SYN3: variants seen among roughly 807,000 people sequenced by gnomAD.
The protein encoded by SYN3 is synapsin III.
Under a neutral mutation model 65.8 loss-of-function variants are expected in SYN3, and 35 were observed. The observed-to-expected ratio is 0.53, with a 90% confidence interval of 0.41 to 0.70. SYN3 has a LOEUF of 0.70. Ranked by LOEUF, SYN3 falls within the 30% of genes least tolerant of loss-of-function variation. The pLI is 0.00. For missense variants in SYN3, 680 were observed against 749.0 expected (o/e 0.91, Z 1.08); for synonymous variants, 270 against 292.9 (o/e 0.92, Z 0.80).
chr22:32,942,820 T>C (rs2050981725), intron 3 of SYN3, among the ~76,000 whole-genome samples: 1 of 152,136 alleles, frequency 6.6e-6, no homozygotes, highest in African/African-American at 2.4e-5. Flanking sequence ...GTAACCAATT[T>C]GATCAACTGG....
At chr22:32,592,083 A>C (rs1247062293) in intron 7 of SYN3, among the ~76,000 whole-genome samples, 24 of 152,218 alleles carry the variant, frequency 1.6e-4, no homozygotes, top group Admixed American at 1.6e-3. Context: ...AATGATTCAG[A>C]ACTATCAGTG....
intron 6 of SYN3, among the ~76,000 whole-genome samples, chr22:32,710,138 C>G (rs531181718): frequency 7.0e-6 from 1 of 143,050 alleles, no homozygotes. Context: ...TGTGTATTTA[C>G]TTTTCATACA....
chr22:32,692,473 C>T (rs1280581314), intron 6 of SYN3, among the ~76,000 whole-genome samples: 4 of 152,338 alleles, frequency 2.6e-5, no homozygotes, highest in Admixed American at 1.3e-4. Flanking sequence ...TGTTTATTAG[C>T]ATGCATTCAG....
At chr22:32,551,712 T>C (rs146473825) in intron 7 of SYN3, among the ~76,000 whole-genome samples, 2,029 of 152,220 alleles carry the variant, frequency 0.013, 47 homozygotes, top group African/African-American at 0.046. Context: ...GGTCTTTGGC[T>C]ACATTAGAGA....
Position 33,040,189 on chromosome 22 carries a change from T to C in SYN3, c.-163+18103A>G, listed in dbSNP as rs538839358. 2.0e-5 allele frequency among the ~76,000 whole-genome samples: 3 copies of C among 152,186 alleles called. No individual in the cohort carries two copies. In the East Asian group the frequency reaches 5.8e-4, roughly 29 times the overall value. ...TTTAATAGAGATTTTTGTATTTTAATAGAGATCCATGTTAGCCAGGATGGT... is the reference window on the plus strand; with the variant it reads ...TTTAATAGAGATTTTTGTATTTTAACAGAGATCCATGTTAGCCAGGATGGT... On this transcript the variant is annotated intron_variant, in intron 1 of 13. Coordinates refer to ENST00000358763, the MANE Select transcript of SYN3 (RefSeq NM_003490.4).
intron 2 of SYN3, among the ~76,000 whole-genome samples, chr22:33,002,187 G>A (rs1443063123): frequency 6.6e-6 from 1 of 152,172 alleles, no homozygotes; most frequent in Admixed American, 6.5e-5. Flanking sequence ...TAAGCAAGCA[G>A]CAACACCTAA....
At chr22:32,977,375 C>CA (rs564783646) in intron 3 of SYN3, among the ~76,000 whole-genome samples, 62 of 152,278 alleles carry the variant, frequency 4.1e-4, no homozygotes, top group African/African-American at 1.4e-3. Context: ...GATTTCCACA[C>CA]ATGGGATGAG....
intron 2 of SYN3, 49 bp from the exon 3 acceptor site, chr22:32,980,751 CT>C: frequency 6.4e-7 from 1 of 1,568,162 alleles, no homozygotes; most frequent in Non-Finnish European, 8.8e-7. Context: ...CTGTTTTACT[CT>C]TTTCTCCCTT....
chr22:32,650,906 T>A (rs1428984522), intron 6 of SYN3, among the ~76,000 whole-genome samples: 1 of 152,238 alleles, frequency 6.6e-6, no homozygotes, highest in Non-Finnish European at 1.5e-5. Flanking sequence ...TTTATTTTAT[T>A]ACCTTATAAC....
chr22:33,052,167 C>T (rs1398181804), intron 1 of SYN3, among the ~76,000 whole-genome samples: 4 of 152,166 alleles, frequency 2.6e-5, no homozygotes, highest in Admixed American at 6.5e-5. Flanking sequence ...TAGTCCTCCC[C>T]GCACCCCACG....
chr22:32,889,623 T>C (rs1388028400), intron 4 of SYN3, among the ~76,000 whole-genome samples: 1 of 152,180 alleles, frequency 6.6e-6, no homozygotes, highest in African/African-American at 2.4e-5. Context: ...ACGCATATAT[T>C]TGTAAATAAA....
chr22:32,920,581 G>T (rs903253175), intron 4 of SYN3, among the ~76,000 whole-genome samples: 2 of 152,202 alleles, frequency 1.3e-5, no homozygotes, highest in Non-Finnish European at 2.9e-5. Flanking sequence ...TAACCAACTT[G>T]TGTACAATGC....
At chr22:32,773,355 C>T (rs945115946) in intron 6 of SYN3, among the ~76,000 whole-genome samples, 6 of 144,266 alleles carry the variant, frequency 4.2e-5, no homozygotes, top group East Asian at 4.1e-4. Flanking sequence ...TGCAGTGAGC[C>T]GAGATTGTGC....
At chr22:32,522,347 A>G (rs527668676) in intron 12 of SYN3, among the ~76,000 whole-genome samples, 1 of 152,172 alleles carries the variant, frequency 6.6e-6, no homozygotes, top group Non-Finnish European at 1.5e-5. Context: ...TTCCCTTAAA[A>G]TAATATCTCT....
rs1337788812 is a variant in SYN3 at position 32,747,314 on chromosome 22, A to ACAAAACAAAACAAAACAAAACAAAT, written c.711+117600_711+117601insATTTGTTTTGTTTTGTTTTGTTTTG. ...GTGTTCTTCCAAGACCAAAAACAAA[A>ACAAAACAAAACAAAACAAAACAAAT]CAAAACAAAACAAATCAAAACAAAA... On this transcript the variant is annotated intron_variant, in intron 6 of 13. Coordinates refer to ENST00000358763, the MANE Select transcript of SYN3 (RefSeq NM_003490.4). Among the ~76,000 whole-genome samples the ACAAAACAAAACAAAACAAAACAAAT allele has an allele frequency of 8.7e-3, 1,320 of 152,006 alleles. 24 individuals are homozygous for ACAAAACAAAACAAAACAAAACAAAT. The highest frequency in any genetic ancestry group is 0.031 in the African/African-American group (1,276 of 41,418).
intron 6 of SYN3, among the ~76,000 whole-genome samples, chr22:32,617,740 T>G (rs1214980809): frequency 1.3e-5 from 2 of 152,034 alleles, no homozygotes; most frequent in Non-Finnish European, 2.9e-5. Context: ...GAAAGAACTC[T>G]TCTCTGGCTG....
intron 6 of SYN3, among the ~76,000 whole-genome samples, chr22:32,636,225 C>T (rs2059812469): frequency 6.6e-6 from 1 of 151,230 alleles, no homozygotes; most frequent in African/African-American, 2.4e-5. Context: ...CACAGTGAAA[C>T]CCCGTCTCTA....
At chr22:33,017,214 G>GT (rs2053482214) in intron 1 of SYN3, among the ~76,000 whole-genome samples, 1 of 152,144 alleles carries the variant, frequency 6.6e-6, no homozygotes, top group Non-Finnish European at 1.5e-5. Flanking sequence ...TCAATTGATT[G>GT]TAAGTGTGTG....
intron 6 of SYN3, chr22:32,802,059 G>A (rs1181348874): frequency 1.3e-6 from 2 of 1,576,186 alleles, no homozygotes; most frequent in African/African-American, 1.3e-5. Flanking sequence ...GGGGGACTGG[G>A]GCGCCGAGGC....
Sources: gnomAD v4.1 joint callset for allele counts (sites outside exome capture counted in the v4.1 genomes callset) on GRCh38, gnomAD v4.1.1 for gene constraint, MANE v1.5 for transcripts, NCBI Gene and HGNC (gene_info 2026-07-23, HGNC 2026-07-21) for gene names.